Variants in CNTLN observed in about 807,000 individuals in gnomAD.
The protein encoded by CNTLN is centlein, also known as centlein, centrosomal protein.
CNTLN carries 212 observed loss-of-function variants against 180.0 expected under a neutral mutation model. That is an observed-to-expected ratio of 1.18 (90% confidence interval 1.05 to 1.32). The LOEUF is 1.32. Ranked by LOEUF, CNTLN falls within the 40% of genes most tolerant of loss-of-function variation. The pLI, the probability that CNTLN is intolerant of heterozygous loss-of-function variation, is 0.00. For synonymous variants in CNTLN, 722 were observed against 563.1 expected (o/e 1.28, Z -3.99); for missense variants, 2,095 against 1,610.9 (o/e 1.30, Z -5.14).
intron 23 of CNTLN, among the ~76,000 whole-genome samples, chr9:17,473,154 C>G (rs1410056188): frequency 6.6e-6 from 1 of 152,126 alleles, no homozygotes; most frequent in Non-Finnish European, 1.5e-5. Flanking sequence ...TTTATTTAAA[C>G]AGATAACCAA....
chr9:17,225,759 G>GT (rs1262639682), intron 2 of CNTLN, among the ~76,000 whole-genome samples: 1 of 151,980 alleles, frequency 6.6e-6, no homozygotes, highest in African/African-American at 2.4e-5. Flanking sequence ...GACTAGAAAT[G>GT]TATAGGAAGG....
At chr9:17,338,908 A>C (rs1210370167) in intron 10 of CNTLN, among the ~76,000 whole-genome samples, 2 of 152,190 alleles carry the variant, frequency 1.3e-5, no homozygotes, top group Non-Finnish European at 2.9e-5. Context: ...TACGTGTAAT[A>C]GACTCTTCAT....
intron 18 of CNTLN, among the ~76,000 whole-genome samples, chr9:17,443,580 T>C (rs1830232577): frequency 6.6e-6 from 1 of 152,226 alleles, no homozygotes; most frequent in Admixed American, 6.5e-5. Context: ...ATAGTGATTA[T>C]TTCTGGTGGA....
intron 6 of CNTLN, among the ~76,000 whole-genome samples, chr9:17,293,532 C>A (rs550339843): frequency 6.6e-6 from 1 of 152,290 alleles, no homozygotes; most frequent in South Asian, 2.1e-4. Context: ...AGGGTTCCGC[C>A]TGAAGAGGCA....
At position 17,350,603 on chromosome 9, in the gene CNTLN, A is replaced by C. The variant is rs117648227; in HGVS notation, c.1886+8159A>C. 4.3e-3 allele frequency among the ~76,000 whole-genome samples: 649 copies of C among 152,244 alleles called. 2 individuals are homozygous for C. The highest frequency in any genetic ancestry group is 6.6e-3 in the Non-Finnish European group (446 of 68,006). On this transcript the variant is annotated intron_variant, in intron 12 of 25. Transcript: ENST00000380647. ...CAAAACGCCATAGGCTGGGTGGCTT[A>C]ACAGACATGCATTTCTGATAGTTTT...
intron 2 of CNTLN, among the ~76,000 whole-genome samples, chr9:17,173,038 T>C (rs1820510701): frequency 6.6e-6 from 1 of 152,188 alleles, no homozygotes. Flanking sequence ...AGTTAATGGC[T>C]TCAGCATCAG....
the CNTLN span, among the ~76,000 whole-genome samples, chr9:17,517,374 A>G: frequency 2.0e-5 from 3 of 151,930 alleles, no homozygotes; most frequent in South Asian, 4.2e-4. Context: ...CCTGGGCAAC[A>G]GAGCGAGACT....
At chr9:17,249,368 A>C in intron 5 of CNTLN, among the ~76,000 whole-genome samples, 1 of 72,842 alleles carries the variant, frequency 1.4e-5, no homozygotes, top group African/African-American at 5.5e-5. Flanking sequence ...TTTTTTTTTG[A>C]GCTGGAGTCT....
intron 23 of CNTLN, among the ~76,000 whole-genome samples, chr9:17,473,813 T>C (rs1169606885): frequency 1.3e-5 from 2 of 152,164 alleles, no homozygotes; most frequent in Non-Finnish European, 1.5e-5. Context: ...ACCAGTAACC[T>C]CCATATTGCC....
At chr9:17,150,623 G>A (rs1446634788) in intron 2 of CNTLN, among the ~76,000 whole-genome samples, 1 of 152,144 alleles carries the variant, frequency 6.6e-6, no homozygotes, top group African/African-American at 2.4e-5. Context: ...GGAGTGTCTT[G>A]GCTATGCGGG....
intron 18 of CNTLN, among the ~76,000 whole-genome samples, chr9:17,454,482 C>G (rs193217818): frequency 1.2e-4 from 18 of 152,238 alleles, no homozygotes; most frequent in African/African-American, 4.3e-4. Flanking sequence ...TCTAGTCAAA[C>G]AAGTAACTAT....
the CNTLN span, among the ~76,000 whole-genome samples, chr9:17,514,974 C>T: frequency 6.6e-6 from 1 of 152,176 alleles, no homozygotes; most frequent in Non-Finnish European, 1.5e-5. Flanking sequence ...AACCTGGGTC[C>T]TAAATTACCA....
intron 19 of CNTLN, among the ~76,000 whole-genome samples, chr9:17,460,795 C>T (rs1404265265): frequency 6.6e-6 from 1 of 151,694 alleles, no homozygotes; most frequent in Non-Finnish European, 1.5e-5. Flanking sequence ...TAACTCATTG[C>T]ATTGAAGATA....
rs376285924 is a variant in CNTLN at position 17,389,033 on chromosome 9, C to A, written c.2079+780C>A. ...TTTAGTTTTTTACAGAACCTTAATA[C>A]TTAGATAAAGCTGAAAATGTACAAA... On this transcript the variant is annotated intron_variant, in intron 14 of 25. Transcript: ENST00000380647. Among the ~76,000 whole-genome samples the A allele has an allele frequency of 5.9e-5, 9 of 151,966 alleles. No individual in the cohort carries two copies. In the East Asian group the frequency reaches 1.5e-3, roughly 26 times the overall value.
At chr9:17,179,261 A>AAGG (rs1554649147) in intron 2 of CNTLN, among the ~76,000 whole-genome samples, 6 of 138,642 alleles carry the variant, frequency 4.3e-5, no homozygotes, top group Non-Finnish European at 4.5e-5. Context: ...AAAAAAAAAA[A>AAGG]AAGAAGAAGT....
chr9:17,164,450 T>A (rs1819912067), intron 2 of CNTLN, among the ~76,000 whole-genome samples: 1 of 147,528 alleles, frequency 6.8e-6, no homozygotes, highest in African/African-American at 2.5e-5. Context: ...GAACTCCTTA[T>A]TTTTATGTTT....
chr9:17,381,903 G>C (rs1034673003), intron 13 of CNTLN, among the ~76,000 whole-genome samples: 1 of 152,094 alleles, frequency 6.6e-6, no homozygotes, highest in African/African-American at 2.4e-5. Context: ...AATTTCCAAG[G>C]GGTGATCAGA....
At chr9:17,380,999 G>A (rs531264975) in intron 13 of CNTLN, among the ~76,000 whole-genome samples, 10 of 152,224 alleles carry the variant, frequency 6.6e-5, no homozygotes, top group Admixed American at 5.2e-4. Flanking sequence ...ACCTCCACCC[G>A]TGATTTCTTT....
At chr9:17,178,900 G>A (rs997608344) in intron 2 of CNTLN, among the ~76,000 whole-genome samples, 3 of 152,184 alleles carry the variant, frequency 2.0e-5, no homozygotes, top group Non-Finnish European at 4.4e-5. Flanking sequence ...AGGAGGCGCC[G>A]AGAGCGAGGG....
Sources: allele counts gnomAD v4.1 joint callset (sites outside exome capture counted in the v4.1 genomes callset), GRCh38; gene constraint gnomAD v4.1.1; transcripts MANE v1.5; gene names NCBI Gene and HGNC (gene_info 2026-07-23, HGNC 2026-07-21).